DSCAM: variants seen among roughly 807,000 people sequenced by gnomAD.
The protein encoded by DSCAM is cell adhesion molecule DSCAM.
DSCAM carries 47 observed loss-of-function variants against 217.7 expected under a neutral mutation model. The ratio of observed to expected loss-of-function variants is 0.22; its 90% CI spans 0.17 to 0.28. The LOEUF is 0.28. Ranked by LOEUF, DSCAM falls within the 10% of genes least tolerant of loss-of-function variation. The probability of loss-of-function intolerance (pLI) is 1.00; values close to 1 mark genes in which losing one functional copy is unlikely to be tolerated. For missense variants in DSCAM, 2,080 were observed against 2,618.3 expected (o/e 0.79, Z 4.49); for synonymous variants, 1,056 against 1,015.3 (o/e 1.04, Z -0.76).
chr21:40,321,497 C>G (rs1486068553), intron 8 of DSCAM, among the ~76,000 whole-genome samples: 1 of 152,148 alleles, frequency 6.6e-6, no homozygotes, highest in African/African-American at 2.4e-5. Context: ...TGAGAGTGTG[C>G]TGCTATGTAT....
chr21:40,083,648 ATTTCT>A (rs1170972192), intron 24 of DSCAM, among the ~76,000 whole-genome samples: 1 of 152,214 alleles, frequency 6.6e-6, no homozygotes, highest in African/African-American at 2.4e-5. Context: ...AGATATCCAA[ATTTCT>A]TTTTTCTTTC....
intron 8 of DSCAM, among the ~76,000 whole-genome samples, chr21:40,335,077 C>T (rs2074416181): frequency 6.6e-6 from 1 of 152,052 alleles, no homozygotes; most frequent in Non-Finnish European, 1.5e-5. Context: ...GTATCTCTTC[C>T]CTTTACCTAG....
intron 3 of DSCAM, among the ~76,000 whole-genome samples, chr21:40,611,282 C>A (rs1353741986): frequency 6.6e-6 from 1 of 152,006 alleles, no homozygotes. Flanking sequence ...TGGGCTCAAT[C>A]TCTTGACTTC....
intron 1 of DSCAM, among the ~76,000 whole-genome samples, chr21:40,738,288 A>C (rs2091085130): frequency 6.6e-6 from 1 of 152,230 alleles, no homozygotes; most frequent in African/African-American, 2.4e-5. Context: ...CAATGCATGA[A>C]ATTCTAACTC....
intron 20 of DSCAM, among the ~76,000 whole-genome samples, chr21:40,106,073 G>A (rs1175917764): frequency 1.3e-5 from 2 of 152,182 alleles, no homozygotes; most frequent in African/African-American, 4.8e-5. Flanking sequence ...CCACATGGCT[G>A]GGGAGGCTTT....
intron 3 of DSCAM, among the ~76,000 whole-genome samples, chr21:40,370,868 C>T (rs1052642601): frequency 4.6e-5 from 7 of 152,074 alleles, no homozygotes; most frequent in African/African-American, 1.7e-4. Context: ...GTGATCCACC[C>T]GTCTTGGCCT....
At chr21:40,333,704 G>A (rs115009062) in intron 8 of DSCAM, among the ~76,000 whole-genome samples, 113 of 152,334 alleles carry the variant, frequency 7.4e-4, no homozygotes, top group African/African-American at 2.6e-3. Context: ...TCTAAGTTCT[G>A]AGTAAAGGCT....
intron 10 of DSCAM, among the ~76,000 whole-genome samples, chr21:40,285,412 G>T (rs1200674174): frequency 6.6e-6 from 1 of 152,128 alleles, no homozygotes; most frequent in Non-Finnish European, 1.5e-5. Flanking sequence ...AGCAAGATGG[G>T]CCCCAGGGTT....
chr21:40,103,300 A>C (rs1740751680), intron 20 of DSCAM, among the ~76,000 whole-genome samples: 1 of 152,124 alleles, frequency 6.6e-6, no homozygotes, highest in African/African-American at 2.4e-5. Flanking sequence ...GAAGGCTGTG[A>C]TTTCATAGAT....
chr21:40,194,406 T>C (rs1340417040), intron 11 of DSCAM, among the ~76,000 whole-genome samples: 1 of 152,214 alleles, frequency 6.6e-6, no homozygotes, highest in Non-Finnish European at 1.5e-5. Flanking sequence ...ACAACATGTC[T>C]GTACAGCAGC....
rs1276064780 is a variant in DSCAM, at chr21:40,011,748, A to G, written c.*1286T>C. The G allele has an allele frequency of 1.3e-5, 2 of 152,216 alleles. No individual in the cohort carries two copies. The highest frequency in any genetic ancestry group is 2.9e-5 in the Non-Finnish European group (2 of 68,034). 9.4% of individuals were successfully genotyped at this position (152,216 alleles called of 1,614,324 possible). A position where few individuals can be genotyped will look rare whatever the true frequency, so the allele number is the denominator to read the frequency against. On this transcript the variant is annotated 3_prime_UTR_variant, in exon 33 of 33. Coordinates refer to ENST00000400454, the MANE Select transcript of DSCAM (RefSeq NM_001389.5). ...GTAAAAACTTAGATTTTAGAGGAAC[A>G]TCACTTTCCTCTGGTTACAGAGGAT...
At chr21:40,652,347 C>CA (rs56384103) in intron 3 of DSCAM, among the ~76,000 whole-genome samples, 43 of 142,664 alleles carry the variant, frequency 3.0e-4, no homozygotes, top group South Asian at 6.7e-4. Flanking sequence ...ACAACAACAA[C>CA]AAAAAAAAAA....
At chr21:40,277,884 G>GA (rs1344225472) in intron 10 of DSCAM, among the ~76,000 whole-genome samples, 1 of 148,114 alleles carries the variant, frequency 6.8e-6, no homozygotes, top group Non-Finnish European at 1.5e-5. Flanking sequence ...AAAAAAAAAA[G>GA]AAAAATAATA....
At chr21:40,192,563 T>C (rs1226270820) in intron 11 of DSCAM, among the ~76,000 whole-genome samples, 6 of 152,208 alleles carry the variant, frequency 3.9e-5, no homozygotes, top group Non-Finnish European at 7.4e-5. Flanking sequence ...TTAAGCCTCC[T>C]TCCTTTATAA....
At chr21:40,076,989 G>C (rs914801306) in intron 26 of DSCAM, among the ~76,000 whole-genome samples, 1 of 152,192 alleles carries the variant, frequency 6.6e-6, no homozygotes, top group Admixed American at 6.5e-5. Context: ...ATTACAGGGA[G>C]AGGCCAGCTT....
intron 1 of DSCAM, among the ~76,000 whole-genome samples, chr21:40,767,608 G>T (rs2091404895): frequency 6.6e-6 from 1 of 152,200 alleles, no homozygotes; most frequent in Admixed American, 6.5e-5. Context: ...TTCCTGCAAA[G>T]TATCAGCCTG....
intron 3 of DSCAM, among the ~76,000 whole-genome samples, chr21:40,659,039 A>G (rs1244009042): frequency 1.3e-5 from 2 of 152,076 alleles, no homozygotes; most frequent in Non-Finnish European, 2.9e-5. Context: ...GGAAGAGGGG[A>G]GGCATCTTGG....
intron 3 of DSCAM, among the ~76,000 whole-genome samples, chr21:40,665,400 G>A (rs1568971860): frequency 6.6e-6 from 1 of 152,190 alleles, no homozygotes; most frequent in African/African-American, 2.4e-5. Context: ...TGAGCAGGCT[G>A]TTGTGGAACA....
rs572404845 is a variant in DSCAM at position 40,397,514 on chromosome 21, C to T, written c.509-28269G>A. Among the ~76,000 whole-genome samples the T allele has an allele frequency of 1.6e-4, 25 of 152,232 alleles. No individual in the cohort carries two copies. In the South Asian group the frequency reaches 3.7e-3, roughly 23 times the overall value. On this transcript the variant is annotated intron_variant, in intron 3 of 32. Coordinates refer to ENST00000400454, the MANE Select transcript of DSCAM (RefSeq NM_001389.5). ...AGCAGATGCCCAATGCCATGCTTCC[C>T]GTACAGCCTACAGAACTGTGAGCCA...
Sources: allele counts gnomAD v4.1 joint callset (sites outside exome capture counted in the v4.1 genomes callset), GRCh38; gene constraint gnomAD v4.1.1; transcripts MANE v1.5; gene names NCBI Gene and HGNC (gene_info 2026-07-23, HGNC 2026-07-21).